The following TMEM192 variants were observed in gnomAD, a reference collection of about 807,000 sequenced individuals.
TMEM192 encodes transmembrane protein 192.
Under a neutral mutation model 26.7 loss-of-function variants are expected in TMEM192, and 20 were observed. The observed-to-expected ratio is 0.75, with a 90% CI of 0.53 to 1.09. The LOEUF is 1.09. Among genes scored for constraint, TMEM192 ranks in the 50% least tolerant of loss-of-function variants. TMEM192 has a pLI of 0.00. For missense variants in TMEM192, 304 were observed against 322.6 expected (o/e 0.94, Z 0.44); for synonymous variants, 124 against 121.0 (o/e 1.02, Z -0.16).
At chr4:165,080,297 A>C (rs1318591469) in intron 5 of TMEM192, among the ~76,000 whole-genome samples, 3 of 152,156 alleles carry the variant, frequency 2.0e-5, no homozygotes, top group Non-Finnish European at 1.5e-5. Context: ...ATATTATATA[A>C]GTATATAAAA....
rs1365052510 is a variant in TMEM192, at chr4:165,100,782, A to C, written c.285T>G (p.Val95=). 1 of 1,614,020 alleles carries C rather than the reference A, an allele frequency of 6.2e-7. No individual in the cohort carries two copies. The highest frequency in any genetic ancestry group is 2.2e-5 in the East Asian group (1 of 44,882). The part of the protein sequence containing the change: ...NYTNPLKVQT[V]IILGKVILWI... Reference sequence around the variant, plus strand: ...ACAAAATAACTTTCCCAAGGATTATAACCGTCTGAACTTTCAATGGGTTTG... The same window carrying C: ...ACAAAATAACTTTCCCAAGGATTATCACCGTCTGAACTTTCAATGGGTTTG... The change falls in exon 3 of 6, where the codon GTT becomes GTG. Residue 95 remains valine, a synonymous_variant. Transcript: ENST00000306480.
chr4:165,092,770 C>T lies in TMEM192; in HGVS notation c.440-4168G>A, dbSNP rs1042126756. Among the ~76,000 whole-genome samples the T allele has an allele frequency of 4.6e-5, 7 of 151,794 alleles. 1 individual carries two copies. The highest frequency in any genetic ancestry group is 4.2e-4 in the South Asian group (2 of 4,804). On this transcript the variant is annotated intron_variant, in intron 3 of 5. Coordinates refer to ENST00000306480, the MANE Select transcript of TMEM192 (RefSeq NM_001100389.2). ...AGCCAAAGATCCTTGCTGAAAGAAC[C>T]CCCATCCAAACTAACTACACAAGCC...
At position 165,073,677 on chromosome 4, in the gene TMEM192, T is replaced by C. The variant is rs181713205; in HGVS notation, c.*5981A>G. ...CTCGGTGTAAAGCTGACCATTCCCA[T>C]TCGTTCTATTCTGAGATAGGAGAAA... is the stretch of plus-strand genomic sequence containing the variant. On this transcript the variant is annotated 3_prime_UTR_variant, in exon 6 of 6. Transcript: ENST00000306480. 1.3e-5 allele frequency: 2 copies of C among 152,206 alleles called. No homozygotes were observed. The highest frequency in any genetic ancestry group is 3.9e-4 in the East Asian group (2 of 5,162). The allele number at this position is 152,206 out of a possible 1,614,324, so 9.4% of individuals were successfully genotyped here. A position where few individuals can be genotyped will look rare whatever the true frequency, so the allele number is the denominator to read the frequency against.
At chr4:165,097,883 A>C (rs920492081) in intron 3 of TMEM192, among the ~76,000 whole-genome samples, 2 of 151,926 alleles carry the variant, frequency 1.3e-5, no homozygotes, top group African/African-American at 4.8e-5. Context: ...CCCAGGTTGG[A>C]GTGGCACGAT....
intron 1 of TMEM192, among the ~76,000 whole-genome samples, chr4:165,110,059 A>G (rs1357409210): frequency 1.3e-5 from 2 of 152,172 alleles, no homozygotes; most frequent in Non-Finnish European, 2.9e-5. Context: ...ACTCAGGAGT[A>G]TTTACTTTCC....
intron 3 of TMEM192, among the ~76,000 whole-genome samples, chr4:165,088,935 G>A (rs1734687526): frequency 6.6e-6 from 1 of 151,484 alleles, no homozygotes; most frequent in Non-Finnish European, 1.5e-5. Flanking sequence ...CAGCTACCTG[G>A]GAGGCTAAGG....
intron 1 of TMEM192, among the ~76,000 whole-genome samples, chr4:165,110,051 T>G (rs139593296): frequency 0.012 from 1,765 of 152,316 alleles, 42 homozygotes; most frequent in African/African-American, 0.04. Flanking sequence ...TCTATGTCAC[T>G]CAGGAGTATT....
chr4:165,073,522 C>A lies in TMEM192; in HGVS notation c.*6136G>T, dbSNP rs1156461935. The A allele has an allele frequency of 3.9e-5, 6 of 152,096 alleles. No individual in the cohort carries two copies. The highest frequency in any genetic ancestry group is 1.4e-4 in the African/African-American group (6 of 41,398). The allele number at this position is 152,096 out of a possible 1,614,324, so 9.4% of individuals were successfully genotyped here. A position where few individuals can be genotyped will look rare whatever the true frequency, so the allele number is the denominator to read the frequency against. On this transcript the variant is annotated 3_prime_UTR_variant, in exon 6 of 6. Coordinates refer to ENST00000306480, the MANE Select transcript of TMEM192 (RefSeq NM_001100389.2). ...ATACGGCCTCGTGGGAAAGGAAAGGCCTTACCATCCCCCAGCCCGACACCT... is the reference window on the plus strand; with the variant it reads ...ATACGGCCTCGTGGGAAAGGAAAGGACTTACCATCCCCCAGCCCGACACCT...
chr4:165,110,274 A>G (rs978718786), intron 1 of TMEM192, among the ~76,000 whole-genome samples: 1 of 152,152 alleles, frequency 6.6e-6, no homozygotes, highest in Non-Finnish European at 1.5e-5. Flanking sequence ...TTCTGTGACA[A>G]TAACTCTATT....
Position 165,098,441 on chromosome 4 carries a change from A to T in TMEM192, c.439+2187T>A, listed in dbSNP as rs191493176. Among the ~76,000 whole-genome samples, 1,284 of 147,620 alleles carry T rather than the reference A, an allele frequency of 8.7e-3. 7 individuals are homozygous for T. Among genetic ancestry groups the T allele is most frequent in the South Asian group, 0.037 (172 of 4,656 alleles). ...CGCCCAGGAATTTCTTTTTTTTTTT[A>T]AAACTTAACTTGGTGCTCATTTGTT... is the stretch of plus-strand genomic sequence containing the variant. On this transcript the variant is annotated intron_variant, in intron 3 of 5. Coordinates refer to ENST00000306480, the MANE Select transcript of TMEM192 (RefSeq NM_001100389.2).
intron 3 of TMEM192, among the ~76,000 whole-genome samples, chr4:165,096,962 T>TC (rs1734921989): frequency 8.8e-3 from 2 of 226 alleles, no homozygotes; most frequent in Non-Finnish European, 0.017. Context: ...AAGTTTTTTC[T>TC]TTTTTTTTAA....
At chr4:165,104,732 TGTTAGCCAAACTG>T (rs1735125887) in intron 1 of TMEM192, among the ~76,000 whole-genome samples, 1 of 152,098 alleles carries the variant, frequency 6.6e-6, no homozygotes, top group African/African-American at 2.4e-5. Context: ...GGTTTCGCCA[TGTTAGCCAAACTG>T]GTCTCAAACT....
chr4:165,085,094 G>A (rs902708129), intron 5 of TMEM192, among the ~76,000 whole-genome samples: 2 of 152,200 alleles, frequency 1.3e-5, no homozygotes, highest in East Asian at 1.9e-4. Flanking sequence ...GACCAACATG[G>A]AGAAACCCCA....
chr4:165,077,839 C>T lies in TMEM192; in HGVS notation c.*1819G>A, dbSNP rs549477449. ...AAACAACAACAAAAAAAAAAACCCC[C>T]AAAAAACAAAAAAAAACGGAAGGGA... On this transcript the variant is annotated 3_prime_UTR_variant, in exon 6 of 6. Coordinates refer to ENST00000306480, the MANE Select transcript of TMEM192 (RefSeq NM_001100389.2). The T allele has an allele frequency of 2.0e-5, 3 of 149,056 alleles. No homozygotes were observed. Among genetic ancestry groups the T allele is most frequent in the African/African-American group, 4.9e-5 (2 of 40,564 alleles). 9.2% of individuals were successfully genotyped at this position (149,056 alleles called of 1,614,324 possible). A position where few individuals can be genotyped will look rare whatever the true frequency, so the allele number is the denominator to read the frequency against.
intron 1 of TMEM192, among the ~76,000 whole-genome samples, chr4:165,104,800 G>T: frequency 6.6e-6 from 1 of 152,018 alleles, no homozygotes; most frequent in East Asian, 1.9e-4. Context: ...CAAAGTGCTG[G>T]GATTACAGGC....
chr4:165,075,885 TG>T lies in TMEM192; in HGVS notation c.*3772del, dbSNP rs2111252740. 6.6e-6 allele frequency: 1 copy of T among 152,396 alleles called. No individual in the cohort carries two copies. Among genetic ancestry groups the T allele is most frequent in the African/African-American group, 2.4e-5 (1 of 41,540 alleles). The allele number at this position is 152,396 out of a possible 1,614,324, so 9.4% of individuals were successfully genotyped here. On this transcript the variant is annotated 3_prime_UTR_variant, in exon 6 of 6. Transcript: ENST00000306480. ...ACCCGACCCAAATTTTTAATATTTT[TG>T]TACTAAAAAATAGTGGCATGCATCT...
At chr4:165,102,040 G>A (rs1258161034) in intron 2 of TMEM192, among the ~76,000 whole-genome samples, 1 of 152,174 alleles carries the variant, frequency 6.6e-6, no homozygotes, top group Non-Finnish European at 1.5e-5. Context: ...GCTTCCAACT[G>A]CAATCGTCGA....
At chr4:165,096,651 G>GA (rs887476306) in intron 3 of TMEM192, among the ~76,000 whole-genome samples, 3 of 143,956 alleles carry the variant, frequency 2.1e-5, no homozygotes, top group African/African-American at 7.7e-5. Flanking sequence ...TTGCAAATAA[G>GA]AAAAAATATT....
Position 165,105,969 on chromosome 4 carries a change from G to A in TMEM192, c.28-2873C>T, listed in dbSNP as rs79387151. On this transcript the variant is annotated intron_variant, in intron 1 of 5. Coordinates refer to ENST00000306480, the MANE Select transcript of TMEM192 (RefSeq NM_001100389.2). The stretch of plus-strand genomic sequence containing the variant: ...AATGAGCTCCCTTCCACCTTCCACT[G>A]CGTGAGGATGCAGCAAGAAGGCGCC... Among the ~76,000 whole-genome samples the A allele has an allele frequency of 1.1e-3, 172 of 152,236 alleles. 4 individuals are homozygous for A. In the East Asian group the frequency reaches 0.031, roughly 28 times the overall value.
Sources: allele counts gnomAD v4.1 joint callset (sites outside exome capture counted in the v4.1 genomes callset), GRCh38; gene constraint gnomAD v4.1.1; transcripts MANE v1.5; gene names NCBI Gene and HGNC (gene_info 2026-07-23, HGNC 2026-07-21).